CSMD1: variants seen among roughly 807,000 people sequenced by gnomAD.
CSMD1 encodes CUB and Sushi multiple domains 1.
Under a neutral mutation model 417.5 loss-of-function variants are expected in CSMD1, and 213 were observed. The ratio of observed to expected loss-of-function variants is 0.51; its 90% CI spans 0.46 to 0.57. CSMD1 has a LOEUF of 0.57. Ranked by LOEUF, CSMD1 falls within the 20% of genes least tolerant of loss-of-function variation. The probability of loss-of-function intolerance (pLI) is 0.00; values close to 1 mark genes in which losing one functional copy is unlikely to be tolerated. For missense variants in CSMD1, 6,923 were observed against 4,529.7 expected (o/e 1.53, Z -15.17); for synonymous variants, 2,862 against 1,736.8 (o/e 1.65, Z -16.11).
At chr8:4,406,316 G>A (rs913317029) in intron 3 of CSMD1, among the ~76,000 whole-genome samples, 7 of 152,212 alleles carry the variant, frequency 4.6e-5, no homozygotes, top group African/African-American at 1.4e-4. Flanking sequence ...TGGGCTTCCA[G>A]TTGTGAATTC....
intron 1 of CSMD1, among the ~76,000 whole-genome samples, chr8:4,755,123 G>T (rs1229389471): frequency 1.3e-5 from 2 of 152,062 alleles, no homozygotes; most frequent in Non-Finnish European, 2.9e-5. Context: ...GGTGACAGAG[G>T]GACACTGTCT....
chr8:3,384,975 T>C (rs1303251852), intron 18 of CSMD1, among the ~76,000 whole-genome samples: 1 of 119,642 alleles, frequency 8.4e-6, no homozygotes, highest in Non-Finnish European at 1.6e-5. Context: ...TATATGCATA[T>C]ATAGCATATA....
At chr8:3,981,697 G>A (rs1473030914) in intron 5 of CSMD1, among the ~76,000 whole-genome samples, 4 of 152,032 alleles carry the variant, frequency 2.6e-5, no homozygotes, top group African/African-American at 7.2e-5. Context: ...CCCAAAGAAA[G>A]GCTCTTTTGT....
chr8:3,591,977 AGATT>A (rs1193769909), intron 8 of CSMD1, among the ~76,000 whole-genome samples: 3 of 152,158 alleles, frequency 2.0e-5, no homozygotes, highest in African/African-American at 7.2e-5. Context: ...ATGGAAAGAT[AGATT>A]GATAGATAAA....
intron 5 of CSMD1, among the ~76,000 whole-genome samples, chr8:3,878,562 G>A (rs1011408756): frequency 6.6e-6 from 1 of 151,970 alleles, no homozygotes; most frequent in African/African-American, 2.4e-5. Context: ...AGGAAGTATA[G>A]AAAAAATTGC....
intron 1 of CSMD1, among the ~76,000 whole-genome samples, chr8:4,965,036 C>A (rs114355142): frequency 0.032 from 4,940 of 152,242 alleles, 99 homozygotes; most frequent in Middle Eastern, 0.13. Flanking sequence ...CGTTGCTTTA[C>A]TTTAAAGAAG....
intron 5 of CSMD1, among the ~76,000 whole-genome samples, chr8:3,916,761 G>A (rs111839021): frequency 0.012 from 1,865 of 152,206 alleles, 30 homozygotes; most frequent in African/African-American, 0.04. Context: ...AAACTAGAGA[G>A]AGAAAAAATA....
At chr8:2,988,484 C>G (rs1170298476) in intron 54 of CSMD1, among the ~76,000 whole-genome samples, 2 of 152,182 alleles carry the variant, frequency 1.3e-5, no homozygotes, top group African/African-American at 4.8e-5. Flanking sequence ...ACTGAACTGG[C>G]TCAACTCTTA....
chr8:3,520,748 T>C (rs938442072), intron 10 of CSMD1, among the ~76,000 whole-genome samples: 4 of 152,050 alleles, frequency 2.6e-5, no homozygotes, highest in African/African-American at 9.7e-5. Flanking sequence ...TATCCTACAA[T>C]GACACTTGCT....
At chr8:4,567,266 G>A (rs1038895409) in intron 2 of CSMD1, among the ~76,000 whole-genome samples, 3 of 152,126 alleles carry the variant, frequency 2.0e-5, no homozygotes, top group African/African-American at 7.2e-5. Context: ...CACTACAATT[G>A]TAACGATTGT....
chr8:4,746,742 C>G (rs998107986), intron 1 of CSMD1, among the ~76,000 whole-genome samples: 2 of 152,054 alleles, frequency 1.3e-5, no homozygotes, highest in Non-Finnish European at 1.5e-5. Flanking sequence ...TGGGAGTCAC[C>G]GGTAGAACCT....
intron 1 of CSMD1, among the ~76,000 whole-genome samples, chr8:4,880,070 G>A (rs766966458): frequency 4.6e-5 from 7 of 152,060 alleles, no homozygotes; most frequent in Admixed American, 1.3e-4. Flanking sequence ...CCTTTCTGCT[G>A]AACTTATTAG....
chr8:4,737,572 A>G (rs1810327607), intron 1 of CSMD1, among the ~76,000 whole-genome samples: 1 of 152,220 alleles, frequency 6.6e-6, no homozygotes, highest in Non-Finnish European at 1.5e-5. Context: ...AGTTATTGCC[A>G]GCAAAGACTC....
At chr8:4,950,259 A>T (rs1808652203) in intron 1 of CSMD1, among the ~76,000 whole-genome samples, 1 of 152,166 alleles carries the variant, frequency 6.6e-6, no homozygotes, top group Non-Finnish European at 1.5e-5. Context: ...TTTATGCCAC[A>T]CACATATTTT....
chr8:3,261,328 A>G (rs751476107), intron 26 of CSMD1, among the ~76,000 whole-genome samples: 21 of 152,194 alleles, frequency 1.4e-4, no homozygotes, highest in Admixed American at 6.5e-4. Context: ...AAAACATTCA[A>G]TTCTGCAATT....
intron 3 of CSMD1, among the ~76,000 whole-genome samples, chr8:4,142,923 T>C (rs1803877282): frequency 6.6e-6 from 1 of 151,122 alleles, no homozygotes. Flanking sequence ...TTAGGTCATA[T>C]GTTGAAGTAT....
intron 51 of CSMD1, among the ~76,000 whole-genome samples, chr8:3,027,869 C>T (rs190975661): frequency 5.4e-4 from 83 of 152,308 alleles, no homozygotes; most frequent in Admixed American, 1.8e-3. Context: ...ATGAGGTCAA[C>T]GCCTTGCTAC....
At chr8:4,291,776 A>C (rs1168087485) in intron 3 of CSMD1, among the ~76,000 whole-genome samples, 2 of 152,232 alleles carry the variant, frequency 1.3e-5, no homozygotes, top group African/African-American at 4.8e-5. Flanking sequence ...AGCTACTTTT[A>C]AGAGCTAATA....
intron 3 of CSMD1, among the ~76,000 whole-genome samples, chr8:4,279,477 T>C (rs1314558699): frequency 6.6e-6 from 1 of 152,190 alleles, no homozygotes; most frequent in Non-Finnish European, 1.5e-5. Flanking sequence ...AATAGCGTTT[T>C]TTCATGAGCA....
Sources: allele counts gnomAD v4.1 joint callset (sites outside exome capture counted in the v4.1 genomes callset), GRCh38; gene constraint gnomAD v4.1.1; transcripts MANE v1.5; gene names NCBI Gene and HGNC (gene_info 2026-07-23, HGNC 2026-07-21).